The following MEP1A variants were observed in gnomAD, a reference collection of about 807,000 sequenced individuals.
MEP1A encodes the protein meprin A subunit alpha.
In MEP1A, 68 loss-of-function variants were observed where a neutral mutation model predicts 84.5. The ratio of observed to expected loss-of-function variants is 0.80; its 90% CI spans 0.66 to 0.98. MEP1A has a LOEUF of 0.98. Ranked by LOEUF, MEP1A falls within the 50% of genes least tolerant of loss-of-function variation. The pLI, the probability that MEP1A is intolerant of heterozygous loss-of-function variation, is 0.00. For missense variants in MEP1A, 887 were observed against 919.9 expected, an observed-to-expected ratio of 0.96 and a Z score of 0.46; for synonymous variants, 337 against 336.8, an observed-to-expected ratio of 1.00 and a Z score of -0.01.
chr6:46,828,112 G>A (rs1257576766), intron 9 of MEP1A, among the ~76,000 whole-genome samples: 2 of 152,056 alleles, frequency 1.3e-5, no homozygotes, highest in African/African-American at 2.4e-5. Flanking sequence ...GGAGAGCTGG[G>A]GATAATTCAG....
downstream of MEP1A, among the ~76,000 whole-genome samples, chr6:46,842,685 C>T (rs771684939): frequency 9.9e-5 from 15 of 152,042 alleles, no homozygotes; most frequent in Non-Finnish European, 1.6e-4. Context: ...TTTTTATTGC[C>T]CTTTGAAGCA....
chr6:46,825,314 C>T lies in MEP1A; in HGVS notation c.599C>T (p.Thr200Ile), dbSNP rs1469803951. ...NFDTYDDSLI[T>I]DLNTPYDYES... The stretch of plus-strand genomic sequence containing the variant: ...GACACCTATGATGATAGCTTAATCA[C>T]AGACCTCAATACACCCTATGATTAT... The change falls in exon 8 of 14, where the codon ACA becomes ATA. Residue 200 changes from threonine to isoleucine, a missense_variant. Physicochemically the swap from Thr to Ile is moderately conservative, Grantham distance 89. Coordinates refer to ENST00000230588, the MANE Select transcript of MEP1A (RefSeq NM_005588.3). 1 of 1,613,340 alleles carries T rather than the reference C, an allele frequency of 6.2e-7. No individual in the cohort carries two copies. The highest frequency in any genetic ancestry group is 2.2e-5 in the East Asian group (1 of 44,856).
chr6:46,829,231 T>C, intron 9 of MEP1A, 125 bp from the exon 10 acceptor site: 1 of 732,930 alleles, frequency 1.4e-6, no homozygotes, highest in East Asian at 2.5e-5. Flanking sequence ...TTTATTTTCC[T>C]CCGAAGAGTT....
At chr6:46,824,574 T>C (rs1767859016) in intron 7 of MEP1A, among the ~76,000 whole-genome samples, 1 of 139,680 alleles carries the variant, frequency 7.2e-6, no homozygotes, top group African/African-American at 2.6e-5. Flanking sequence ...ATAGATGTAT[T>C]TAAATATATA....
At chr6:46,833,935 T>C (rs913025790) in intron 11 of MEP1A, among the ~76,000 whole-genome samples, 11 of 152,128 alleles carry the variant, frequency 7.2e-5, no homozygotes, top group Non-Finnish European at 1.5e-4. Flanking sequence ...AATGTTACTA[T>C]GTTCATGAAG....
At position 46,825,491 on chromosome 6, in the gene MEP1A, G is replaced by T; in HGVS notation, c.776G>T (p.Cys259Phe). Residue 259 changes from cysteine to phenylalanine, a missense_variant and splice_region_variant, in exon 8 of 14, where the codon TGC becomes TTC. Cys to Phe is a radical substitution (Grantham distance 205, BLOSUM62 -2). Transcript: ENST00000230588. Reference protein sequence around the residue: ...DLERLNRMYNCTTTHTLLDHC... With the variant: ...DLERLNRMYNFTTTHTLLDHC... ...GAGAGGCTGAACCGAATGTACAATTGCAGTGAGTATCTCAGTTTCTGAGAA... is the reference window on the plus strand; with the variant it reads ...GAGAGGCTGAACCGAATGTACAATTTCAGTGAGTATCTCAGTTTCTGAGAA... The T allele has an allele frequency of 1.2e-6, 2 of 1,603,330 alleles. No homozygotes were observed. The highest frequency in any genetic ancestry group is 8.5e-7 in the Non-Finnish European group (1 of 1,171,780).
At chr6:46,830,794 TCA>T (rs1379812848) in intron 10 of MEP1A, among the ~76,000 whole-genome samples, 1 of 152,160 alleles carries the variant, frequency 6.6e-6, no homozygotes, top group African/African-American at 2.4e-5. Flanking sequence ...ACTCTACAAA[TCA>T]CAGTTTTGAG....
intron 9 of MEP1A, 42 bp from the exon 10 acceptor site, chr6:46,829,314 G>A (rs747734595): frequency 6.4e-7 from 1 of 1,556,358 alleles, no homozygotes; most frequent in Admixed American, 1.7e-5. Context: ...ACCCTGGGGT[G>A]TGGGAAGCCA....
At position 46,798,708 on chromosome 6, in the gene MEP1A, C is replaced by A. The variant is rs1767123179; in HGVS notation, c.186+62C>A. ...ACAGGCAGTACCACTGGGTGTGAGT[C>A]TCTGCTCTGCGGCCAGCCCTGGGAT... On this transcript the variant is annotated intron_variant, in intron 4 of 13. Coordinates refer to ENST00000230588, the MANE Select transcript of MEP1A (RefSeq NM_005588.3). 6 of 1,429,250 alleles carry A rather than the reference C, an allele frequency of 4.2e-6. No individual in the cohort carries two copies. In the East Asian group the frequency reaches 9.1e-5, roughly 22 times the overall value. 88.5% of individuals were successfully genotyped at this position (1,429,250 alleles called of 1,614,324 possible).
chr6:46,834,305 G>A (rs1432215983), intron 11 of MEP1A, among the ~76,000 whole-genome samples: 2 of 151,858 alleles, frequency 1.3e-5, no homozygotes, highest in Non-Finnish European at 2.9e-5. Context: ...CATTAAGAAA[G>A]TCGCTCAGTA....
intron 8 of MEP1A, among the ~76,000 whole-genome samples, chr6:46,825,786 A>C (rs1767928604): frequency 6.6e-6 from 1 of 152,230 alleles, no homozygotes; most frequent in African/African-American, 2.4e-5. Flanking sequence ...GTTATGTTTT[A>C]TAAAGTCAAA....
At chr6:46,838,817 G>A (rs913955814) in intron 13 of MEP1A, among the ~76,000 whole-genome samples, 163 bp from the exon 14 acceptor site, 1 of 152,206 alleles carries the variant, frequency 6.6e-6, no homozygotes, top group Non-Finnish European at 1.5e-5. Flanking sequence ...TTGTTGCAGG[G>A]TTAAATTAGT....
rs1408791382 is a variant in MEP1A at position 46,833,582 on chromosome 6, G to A, written c.1609+44G>A. 2.1e-6 allele frequency: 3 copies of A among 1,399,654 alleles called. No homozygotes were observed. In the East Asian group the frequency reaches 6.9e-5, roughly 32 times the overall value. 86.7% of individuals were successfully genotyped at this position (1,399,654 alleles called of 1,614,324 possible). A position where few individuals can be genotyped will look rare whatever the true frequency, so the allele number is the denominator to read the frequency against. ...AATAAGAACTGCCCCTTGAACCAGA[G>A]AGGCCCACAGATGTGATTCTGTGGT... is the stretch of plus-strand genomic sequence containing the variant. On this transcript the variant is annotated intron_variant, in intron 11 of 13. Coordinates refer to ENST00000230588, the MANE Select transcript of MEP1A (RefSeq NM_005588.3).
At chr6:46,829,786 T>G (rs879657254) in intron 10 of MEP1A, among the ~76,000 whole-genome samples, 4 of 152,114 alleles carry the variant, frequency 2.6e-5, no homozygotes, top group Non-Finnish European at 5.9e-5. Context: ...AAGCAGTATC[T>G]TGGGCTTAGG....
intron 5 of MEP1A, among the ~76,000 whole-genome samples, chr6:46,801,716 T>A (rs192522134): frequency 1.3e-5 from 2 of 152,204 alleles, no homozygotes; most frequent in Admixed American, 6.5e-5. Context: ...TATATTCCAA[T>A]ATTTTTTGAA....
intron 5 of MEP1A, among the ~76,000 whole-genome samples, chr6:46,808,543 A>G (rs530647616): frequency 4.6e-4 from 70 of 152,248 alleles, no homozygotes; most frequent in African/African-American, 1.4e-3. Flanking sequence ...CTAACCTTCA[A>G]TGAGTTGATG....
At position 46,839,010 on chromosome 6, in the gene MEP1A, G is replaced by A. The variant is rs141276985; in HGVS notation, c.2115G>A (p.Thr705=). Residue 705 remains threonine (T), a synonymous_variant, in exon 14 of 14, where the codon ACG becomes ACA. Coordinates refer to ENST00000230588, the MANE Select transcript of MEP1A (RefSeq NM_005588.3). ...TCTCTGGACATGCTTTCTTCTACACGGGGGAGCGCTGTCAGGCCGTGCAGG... is the reference window on the plus strand; with the variant it reads ...TCTCTGGACATGCTTTCTTCTACACAGGGGAGCGCTGTCAGGCCGTGCAGG... ...RCISGHAFFY[T]GERCQAVQVH... The A allele has an allele frequency of 3.9e-4, 623 of 1,613,428 alleles. No homozygotes were observed. Among genetic ancestry groups the A allele is most frequent in the Middle Eastern group, 5.0e-4 (3 of 6,032 alleles).
At chr6:46,795,444 G>T (rs1235112303) in intron 3 of MEP1A, among the ~76,000 whole-genome samples, 3 of 151,836 alleles carry the variant, frequency 2.0e-5, no homozygotes, top group Admixed American at 2.0e-4. Flanking sequence ...GGGATTATAG[G>T]TGCCCACCAC....
At chr6:46,830,370 T>C (rs1768052503) in intron 10 of MEP1A, among the ~76,000 whole-genome samples, 1 of 151,996 alleles carries the variant, frequency 6.6e-6, no homozygotes, top group Non-Finnish European at 1.5e-5. Context: ...CTTGTGAAGT[T>C]GGTGGCAAAT....
Sources: allele counts gnomAD v4.1 joint callset (sites outside exome capture counted in the v4.1 genomes callset), GRCh38; gene constraint gnomAD v4.1.1; transcripts MANE v1.5; gene names NCBI Gene and HGNC (gene_info 2026-07-23, HGNC 2026-07-21).